Variants in ANKRD6 observed in about 807,000 individuals in gnomAD.
ANKRD6 encodes the protein ankyrin repeat domain 6.
In ANKRD6, 56 loss-of-function variants were observed where a neutral mutation model predicts 82.3. The ratio of observed to expected loss-of-function variants is 0.68; its 90% CI spans 0.55 to 0.85. The LOEUF is 0.85. ANKRD6 is among the 40% of genes least tolerant of loss of function. The pLI is 0.00. For missense variants in ANKRD6, 852 were observed against 907.6 expected, an observed-to-expected ratio of 0.94 and a Z score of 0.79; for synonymous variants, 347 against 352.1, an observed-to-expected ratio of 0.99 and a Z score of 0.16.
chr6:89,576,883 G>A (rs776901966), intron 2 of ANKRD6, among the ~76,000 whole-genome samples: 1 of 151,930 alleles, frequency 6.6e-6, no homozygotes, highest in South Asian at 2.1e-4. Flanking sequence ...CTCCAGCTTC[G>A]CCCTGTCTCC....
chr6:89,603,599 G>T (rs550067821), intron 4 of ANKRD6, among the ~76,000 whole-genome samples: 2 of 152,262 alleles, frequency 1.3e-5, no homozygotes, highest in South Asian at 4.1e-4. Flanking sequence ...GCCTGGGTCG[G>T]GGGGGTAAGG....
At chr6:89,438,499 C>T (rs1435973386) in intron 1 of ANKRD6, among the ~76,000 whole-genome samples, 1 of 152,116 alleles carries the variant, frequency 6.6e-6, no homozygotes, top group Non-Finnish European at 1.5e-5. Flanking sequence ...AAATACAGTC[C>T]CTGGCTGGGC....
chr6:89,583,109 T>C (rs1341371390), intron 2 of ANKRD6, among the ~76,000 whole-genome samples: 1 of 152,072 alleles, frequency 6.6e-6, no homozygotes. Flanking sequence ...GGCTTGGGGA[T>C]TTTTCAGAGC....
intron 1 of ANKRD6, among the ~76,000 whole-genome samples, chr6:89,506,546 G>A (rs1488206206): frequency 6.6e-6 from 1 of 152,048 alleles, no homozygotes; most frequent in Non-Finnish European, 1.5e-5. Context: ...AACTCCTGAC[G>A]TCAAGCGATC....
chr6:89,473,881 G>A (rs1775753289), intron 1 of ANKRD6, among the ~76,000 whole-genome samples: 1 of 152,162 alleles, frequency 6.6e-6, no homozygotes, highest in South Asian at 2.1e-4. Context: ...TTGGGAGGCT[G>A]GGGCAGGAGA....
intron 1 of ANKRD6, among the ~76,000 whole-genome samples, chr6:89,541,415 T>G (rs1390578408): frequency 8.7e-6 from 1 of 114,470 alleles, no homozygotes; most frequent in Non-Finnish European, 1.7e-5. Flanking sequence ...TTTTTTGAGA[T>G]GGAGTCTCGC....
intron 2 of ANKRD6, among the ~76,000 whole-genome samples, chr6:89,574,068 G>A (rs572745819): frequency 9.8e-5 from 15 of 152,310 alleles, no homozygotes; most frequent in Non-Finnish European, 1.9e-4. Context: ...ACATTTATCT[G>A]TGTTTGACAG....
chr6:89,614,581 G>T (rs890442168), intron 7 of ANKRD6, among the ~76,000 whole-genome samples: 3 of 152,154 alleles, frequency 2.0e-5, no homozygotes, highest in African/African-American at 7.2e-5. Flanking sequence ...AGGAGGCAGA[G>T]GTTGCAGTGA....
At chr6:89,449,002 C>T (rs1772467164) in intron 1 of ANKRD6, among the ~76,000 whole-genome samples, 1 of 145,222 alleles carries the variant, frequency 6.9e-6, no homozygotes, top group African/African-American at 2.6e-5. Context: ...TGCACTCCAA[C>T]CTGGGAGACA....
At chr6:89,622,903 A>G (rs1804024897) in intron 10 of ANKRD6, among the ~76,000 whole-genome samples, 1 of 151,776 alleles carries the variant, frequency 6.6e-6, no homozygotes, top group South Asian at 2.1e-4. Flanking sequence ...CCTAGATGTG[A>G]ATTGTACATA....
intron 1 of ANKRD6, among the ~76,000 whole-genome samples, chr6:89,518,112 G>C (rs1402946878): frequency 6.6e-6 from 1 of 152,126 alleles, no homozygotes; most frequent in African/African-American, 2.4e-5. Flanking sequence ...ATAAAAATAA[G>C]TATCTTATGG....
chr6:89,447,049 A>G (rs1387320538), intron 1 of ANKRD6, among the ~76,000 whole-genome samples: 1 of 152,124 alleles, frequency 6.6e-6, no homozygotes, highest in African/African-American at 2.4e-5. Context: ...TAGCAGCATG[A>G]TAATTGACTA....
chr6:89,602,940 G>A, intron 3 of ANKRD6, 89 bp from the exon 4 acceptor site: 1 of 1,071,642 alleles, frequency 9.3e-7, no homozygotes, highest in Non-Finnish European at 1.4e-6. Flanking sequence ...GGGACGGGAG[G>A]GGTCCTTGTG....
Position 89,462,239 on chromosome 6 carries a change from T to TAAAAATAAA in ANKRD6, c.-144+28866_-144+28867insAAATAAAAA, listed in dbSNP as rs60355520. Among the ~76,000 whole-genome samples the TAAAAATAAA allele has an allele frequency of 1.2e-3, 179 of 143,240 alleles. 2 individuals carry two copies. The highest frequency in any genetic ancestry group is 7.6e-4 in the Non-Finnish European group (50 of 66,224). 94.0% of individuals were successfully genotyped at this position (143,240 alleles called of 152,430 possible). A position where few individuals can be genotyped will look rare whatever the true frequency, so the allele number is the denominator to read the frequency against. On this transcript the variant is annotated intron_variant, in intron 1 of 15. Coordinates refer to ENST00000339746, the MANE Select transcript of ANKRD6 (RefSeq NM_001242809.2). ...AGAGTGAGACTCCATCTCAAAATAATAATAATAATAATAATAATAATAATA... is the reference window on the plus strand; with the variant it reads ...AGAGTGAGACTCCATCTCAAAATAATAAAAATAAAAATAATAATAATAATAATAATAATA...
intron 1 of ANKRD6, among the ~76,000 whole-genome samples, chr6:89,502,414 A>G (rs375351040): frequency 5.9e-5 from 9 of 152,270 alleles, no homozygotes; most frequent in East Asian, 5.8e-4. Context: ...GGGAGGCTGA[A>G]GCAGGTGGAT....
chr6:89,508,529 G>C (rs141451842), intron 1 of ANKRD6, among the ~76,000 whole-genome samples: 388 of 152,192 alleles, frequency 2.5e-3, no homozygotes, highest in Non-Finnish European at 4.6e-3. Flanking sequence ...AGATACGTGT[G>C]GGGGGCAAAA....
chr6:89,505,886 A>G (rs976870630), intron 1 of ANKRD6, among the ~76,000 whole-genome samples: 1 of 152,258 alleles, frequency 6.6e-6, no homozygotes, highest in African/African-American at 2.4e-5. Context: ...TTCATCCTTA[A>G]TAAAGGAGAG....
Position 89,447,989 on chromosome 6 carries a change from A to G in ANKRD6, c.-144+14614A>G, listed in dbSNP as rs368562307. Among the ~76,000 whole-genome samples the G allele has an allele frequency of 2.6e-5, 4 of 151,472 alleles. No individual in the cohort carries two copies. In the East Asian group the frequency reaches 5.9e-4, roughly 22 times the overall value. Reference sequence around the variant, plus strand: ...GGCGTGAGCCACTGCACCCAGCTCCATTTAGGACTTTCATAGCTAGAAAAG... The same window carrying G: ...GGCGTGAGCCACTGCACCCAGCTCCGTTTAGGACTTTCATAGCTAGAAAAG... On this transcript the variant is annotated intron_variant, in intron 1 of 15. Coordinates refer to ENST00000339746, the MANE Select transcript of ANKRD6 (RefSeq NM_001242809.2).
chr6:89,473,117 T>TA (rs546233567), intron 1 of ANKRD6, among the ~76,000 whole-genome samples: 2 of 152,118 alleles, frequency 1.3e-5, no homozygotes, highest in South Asian at 2.1e-4. Flanking sequence ...ATTGTTTCAT[T>TA]AAAAAAAATT....
Sources: allele counts gnomAD v4.1 joint callset (sites outside exome capture counted in the v4.1 genomes callset), GRCh38; gene constraint gnomAD v4.1.1; transcripts MANE v1.5; gene names NCBI Gene and HGNC (gene_info 2026-07-23, HGNC 2026-07-21).